EIF3A: variants seen among roughly 807,000 people sequenced by gnomAD.
EIF3A encodes the protein EIF3, p180 subunit.
Under a neutral mutation model 186.6 loss-of-function variants are expected in EIF3A, and 21 were observed. The observed-to-expected ratio is 0.11, with a 90% CI of 0.08 to 0.16. EIF3A has a LOEUF of 0.16. Among genes scored for constraint, EIF3A ranks in the 10% least tolerant of loss-of-function variants. The probability of loss-of-function intolerance (pLI) is 1.00; values close to 1 mark genes in which losing one functional copy is unlikely to be tolerated. For synonymous variants in EIF3A, 563 were observed against 584.3 expected, an observed-to-expected ratio of 0.96 and a Z score of 0.52; for missense variants, 1,306 against 1,796.3, an observed-to-expected ratio of 0.73 and a Z score of 4.93.
chr10:119,059,756 GTTTA>G, intron 9 of EIF3A, 38 bp from the exon 10 acceptor site: 2 of 1,325,208 alleles, frequency 1.5e-6, no homozygotes, highest in Non-Finnish European at 2.2e-6. Flanking sequence ...ACTAGCCACT[GTTTA>G]TTCAGCACTT....
intron 6 of EIF3A, among the ~76,000 whole-genome samples, chr10:119,067,270 C>T (rs755726425): frequency 1.3e-4 from 19 of 151,370 alleles, no homozygotes; most frequent in Non-Finnish European, 2.5e-4. Context: ...CCATAACGGA[C>T]ACCATCCTCA....
chr10:119,073,380 C>A (rs2119820335), intron 3 of EIF3A, 61 bp downstream of exon 3: 2 of 1,236,654 alleles, frequency 1.6e-6, no homozygotes, highest in Non-Finnish European at 1.1e-6. Flanking sequence ...AATGAAGACC[C>A]ATGTAAAAGA....
chr10:119,046,001 A>C (rs2119818128), intron 17 of EIF3A, among the ~76,000 whole-genome samples: 1 of 152,350 alleles, frequency 6.6e-6, no homozygotes, highest in East Asian at 1.9e-4. Context: ...GAACTTTAAC[A>C]GAGCAAGAAC....
chr10:119,051,029 A>T (rs1848349247), intron 15 of EIF3A, among the ~76,000 whole-genome samples, 170 bp downstream of exon 15: 1 of 152,216 alleles, frequency 6.6e-6, no homozygotes, highest in African/African-American at 2.4e-5. Flanking sequence ...CCTTTAGAAC[A>T]ATTTTGATGA....
chr10:119,060,052 T>C (rs1331453577), intron 9 of EIF3A: 1 of 518,420 alleles, frequency 1.9e-6, no homozygotes. Flanking sequence ...TTTATAGTTA[T>C]ACTGCTAATT....
Position 119,037,062 on chromosome 10 carries a change from C to G in EIF3A, c.3919+57G>C. ...ATGATATAATTAAATAACCCAAATCCCCCCCCCCCCAGAAACGACAGTTCT... is the reference window on the plus strand; with the variant it reads ...ATGATATAATTAAATAACCCAAATCGCCCCCCCCCCAGAAACGACAGTTCT... On this transcript the variant is annotated intron_variant, in intron 21 of 21. Coordinates refer to ENST00000369144, the MANE Select transcript of EIF3A (RefSeq NM_003750.4). The G allele has an allele frequency of 2.2e-5, 5 of 226,072 alleles. No homozygotes were observed. In the South Asian group the frequency reaches 3.3e-4, roughly 15 times the overall value. 14.0% of individuals were successfully genotyped at this position (226,072 alleles called of 1,614,324 possible). A position where few individuals can be genotyped will look rare whatever the true frequency, so the allele number is the denominator to read the frequency against.
intron 1 of EIF3A, among the ~76,000 whole-genome samples, chr10:119,078,929 C>G (rs1044250663): frequency 2.0e-5 from 3 of 151,996 alleles, no homozygotes; most frequent in African/African-American, 7.3e-5. Context: ...CATTATAATG[C>G]TTTGGCCTAC....
chr10:119,080,254 C>A (rs1347064386), intron 1 of EIF3A: 2 of 953,354 alleles, frequency 2.1e-6, no homozygotes, highest in East Asian at 1.2e-4. Context: ...CAGATGGCGG[C>A]CGGGGACGCG....
intron 17 of EIF3A, among the ~76,000 whole-genome samples, chr10:119,047,291 C>T (rs1848293932): frequency 6.6e-6 from 1 of 151,870 alleles, no homozygotes; most frequent in African/African-American, 2.4e-5. Flanking sequence ...ACAAAAAGAA[C>T]CTAGAAAAGT....
chr10:119,056,752 T>C lies in EIF3A; in HGVS notation c.2184A>G (p.Gln728=), dbSNP rs1256445368. Residue 728 remains glutamine (Q), a synonymous_variant, in exon 14 of 22, where the codon CAA becomes CAG. Transcript: ENST00000369144. ...RIKDMDLWEQ[Q]EEERITTMQL... is the part of the protein sequence containing the mutation. ...ATAAAAAACTTACTCTTTCTTCCTC[T>C]TGTTGCTCCCACAGATCCATGTCTT... The C allele has an allele frequency of 1.2e-6, 2 of 1,601,476 alleles. No individual in the cohort carries two copies. The highest frequency in any genetic ancestry group is 2.2e-5 in the South Asian group (2 of 90,122).
chr10:119,041,851 A>C, intron 19 of EIF3A, 143 bp downstream of exon 19: 4 of 883,570 alleles, frequency 4.5e-6, no homozygotes, highest in Non-Finnish European at 6.8e-6. Context: ...AACTTTTGAC[A>C]GCGAAGTCAC....
In EIF3A at chr10:119,036,144, T is replaced by TTCTCTTTCTCGGTCTCGG. The variant is rs774323645; in HGVS notation, c.4026_4043dup (p.Asp1342_Arg1347dup). Reference sequence around the variant, plus strand: ...TCCATGAGGCCTTCTCTTTTTCACCTTCTCTTTCTCGGTCTCGGTCTCTTT... The same window carrying TTCTCTTTCTCGGTCTCGG: ...TCCATGAGGCCTTCTCTTTTTCACCTTCTCTTTCTCGGTCTCGGTCTCTTTCTCGGTCTCGGTCTCTTT... On this transcript the variant is annotated inframe_insertion, in exon 22 of 22. Coordinates refer to ENST00000369144, the MANE Select transcript of EIF3A (RefSeq NM_003750.4). The TTCTCTTTCTCGGTCTCGG allele has an allele frequency of 2.5e-6, 4 of 1,614,004 alleles. No homozygotes were observed. The highest frequency in any genetic ancestry group is 1.1e-5 in the South Asian group (1 of 91,072).
chr10:119,080,315 G>A (rs1844243551), intron 1 of EIF3A: 8 of 985,298 alleles, frequency 8.1e-6, no homozygotes, highest in African/African-American at 3.5e-5. Flanking sequence ...GAGGACGCAG[G>A]CAGCAAGGAG....
intron 6 of EIF3A, among the ~76,000 whole-genome samples, chr10:119,066,318 G>A (rs1373080096): frequency 1.3e-5 from 2 of 151,174 alleles, no homozygotes; most frequent in Non-Finnish European, 2.9e-5. Context: ...AGACCAGCCT[G>A]GACAACATGG....
chr10:119,080,796 C>T lies in EIF3A; in HGVS notation c.-120G>A. On this transcript the variant is annotated 5_prime_UTR_variant, in exon 1 of 22. Transcript: ENST00000369144. ...CGCCTCGCCAGCAGTCGCCCGCGCC[C>T]AGCCGGCCAGAGACGGAAAGGAAGG... 20 of 1,434,014 alleles carry T rather than the reference C, an allele frequency of 1.4e-5. 1 individual carries two copies. The highest frequency in any genetic ancestry group is 1.8e-5 in the Non-Finnish European group (20 of 1,089,952). 88.8% of individuals were successfully genotyped at this position (1,434,014 alleles called of 1,614,324 possible).
intron 9 of EIF3A, 145 bp from the exon 10 acceptor site, chr10:119,059,863 C>A: frequency 8.9e-6 from 6 of 677,592 alleles, no homozygotes; most frequent in Non-Finnish European, 1.1e-5. Flanking sequence ...ATGCTAATCC[C>A]AGACCATCGA....
chr10:119,077,916 T>C (rs915688475), intron 1 of EIF3A, among the ~76,000 whole-genome samples: 2 of 152,186 alleles, frequency 1.3e-5, no homozygotes, highest in African/African-American at 2.4e-5. Flanking sequence ...TATGATAAAC[T>C]AAAGGTTCTA....
At chr10:119,053,184 C>T (rs1848381452) in intron 14 of EIF3A, among the ~76,000 whole-genome samples, 1 of 152,052 alleles carries the variant, frequency 6.6e-6, no homozygotes, top group African/African-American at 2.4e-5. Context: ...TGCTGTCATT[C>T]AGGCTTTGTT....
At chr10:119,055,895 C>A (rs988977978) in intron 14 of EIF3A, among the ~76,000 whole-genome samples, 1 of 152,058 alleles carries the variant, frequency 6.6e-6, no homozygotes, top group African/African-American at 2.4e-5. Context: ...TCCAAATCAA[C>A]CCAATTTGGT....
Sources: gnomAD v4.1 joint callset for allele counts (sites outside exome capture counted in the v4.1 genomes callset) on GRCh38, gnomAD v4.1.1 for gene constraint, MANE v1.5 for transcripts, NCBI Gene and HGNC (gene_info 2026-07-23, HGNC 2026-07-21) for gene names.